SEMA3F: variants seen among roughly 807,000 people sequenced by gnomAD.
SEMA3F encodes semaphorin-3F.
In SEMA3F, 30 loss-of-function variants were observed where a neutral mutation model predicts 98.5. The observed-to-expected ratio is 0.30, with a 90% CI of 0.23 to 0.41. The LOEUF (loss-of-function observed/expected upper bound fraction) is 0.41, where lower values mean the gene tolerates loss of function less well. Among genes scored for constraint, SEMA3F ranks in the 10% least tolerant of loss-of-function variants. The pLI is 1.00. For missense variants in SEMA3F, 866 were observed against 1,119.3 expected, an observed-to-expected ratio of 0.77 and a Z score of 3.23; for synonymous variants, 380 against 444.8, an observed-to-expected ratio of 0.85 and a Z score of 1.83.
intron 2 of SEMA3F, among the ~76,000 whole-genome samples, chr3:50,164,994 C>T (rs1375735866): frequency 1.3e-5 from 2 of 152,220 alleles, no homozygotes; most frequent in East Asian, 3.9e-4. Context: ...GGGGCATGCC[C>T]CAAGGAGTCC....
At chr3:50,176,977 C>A in intron 7 of SEMA3F, 116 bp downstream of exon 7, 1 of 866,830 alleles carries the variant, frequency 1.2e-6, no homozygotes, top group Non-Finnish European at 1.9e-6. Context: ...TGTCCCTGAA[C>A]TCCCCAAAAG....
At chr3:50,169,739 T>G (rs568342293) in intron 2 of SEMA3F, among the ~76,000 whole-genome samples, 1 of 152,292 alleles carries the variant, frequency 6.6e-6, no homozygotes, top group South Asian at 2.1e-4. Flanking sequence ...GGAGCAGATG[T>G]GGGGATTGGC....
Position 50,182,979 on chromosome 3 carries a change from C to G in SEMA3F, c.979C>G (p.Pro327Ala). 6.2e-7 allele frequency: 1 copy of G among 1,613,958 alleles called. No individual in the cohort carries two copies. The highest frequency in any genetic ancestry group is 1.1e-5 in the South Asian group (1 of 91,088). ...GAAGGCGCGGCTCGTCTGCTCTGTC[C>G]CGGGCGAGGATGGCATTGAGACTCA... The part of the protein sequence containing the change: ...FLKARLVCSV[P>A]GEDGIETHFD... The change falls in exon 10 of 19, where the codon CCG (proline) becomes GCG (alanine). Residue 327 changes from proline to alanine, a missense_variant. Physicochemically the swap from Pro to Ala is conservative, Grantham distance 27 (BLOSUM62 -1). This residue lies in a region of SEMA3F where 374 missense variants were observed against 582.8 expected (regional missense o/e 0.64). Coordinates refer to ENST00000002829, the MANE Select transcript of SEMA3F (RefSeq NM_004186.5). The surrounding 1 kb of genome is among the most constrained non-coding windows in gnomAD (Gnocchi z 4.5).
Position 50,182,879 on chromosome 3 carries a change from C to T in SEMA3F, c.904-25C>T. On this transcript the variant is annotated intron_variant, in intron 9 of 18. Transcript: ENST00000002829. The surrounding 1 kb of genome is among the most constrained non-coding windows in gnomAD (Gnocchi z 4.5). The stretch of plus-strand genomic sequence containing the variant: ...GGCTTGGGGTCAAGAGCTGATCTGA[C>T]CCGGCCTCTTGCCCCACCCCCCAGA... 1 of 1,611,722 alleles carries T rather than the reference C, an allele frequency of 6.2e-7. No individual in the cohort carries two copies. The highest frequency in any genetic ancestry group is 8.5e-7 in the Non-Finnish European group (1 of 1,178,418).
intron 7 of SEMA3F, among the ~76,000 whole-genome samples, chr3:50,179,331 T>C (rs9847483): frequency 0.045 from 6,732 of 150,544 alleles, 486 homozygotes; most frequent in African/African-American, 0.15. Context: ...TTTCTTTCTT[T>C]TTTTTTTTTT....
In SEMA3F at chr3:50,175,079, G is replaced by T. The variant is rs2624833; in HGVS notation, c.457-17G>T. ...CCTGCCACCCCCAGCTCTAACCCCTGTTCCTCGTCTTCTCAGGCCACACCA... is the reference window on the plus strand; with the variant it reads ...CCTGCCACCCCCAGCTCTAACCCCTTTTCCTCGTCTTCTCAGGCCACACCA... On this transcript the variant is annotated splice_polypyrimidine_tract_variant and intron_variant, in intron 5 of 18. Transcript: ENST00000002829. 0.3 allele frequency: 480,395 copies of T among 1,584,474 alleles called. 78,310 individuals are homozygous for T. The highest frequency in any genetic ancestry group is 0.37 in the African/African-American group (27,223 of 74,318).
chr3:50,185,605 C>A, intron 14 of SEMA3F, 61 bp from the exon 15 acceptor site: 1 of 1,610,778 alleles, frequency 6.2e-7, no homozygotes, highest in African/African-American at 1.3e-5. Context: ...GACCTGAGAC[C>A]TCTAGGTCAG....
In SEMA3F at chr3:50,156,337, C is replaced by T. The variant is rs1262762668; in HGVS notation, c.-49+773C>T. Among the ~76,000 whole-genome samples, 1 of 152,230 alleles carries T rather than the reference C, an allele frequency of 6.6e-6. No individual in the cohort carries two copies. Among genetic ancestry groups the T allele is most frequent in the Non-Finnish European group, 1.5e-5 (1 of 68,034 alleles). ...AAGTTGGCCTAGGAATGAGGCAGTG[C>T]TGGCGGGAGTTGGCTGGAGCTGGGG... On this transcript the variant is annotated intron_variant, in intron 1 of 18. Coordinates refer to ENST00000002829, the MANE Select transcript of SEMA3F (RefSeq NM_004186.5). This position sits in a 1 kb window ranked among gnomAD's most constrained non-coding sequence, Gnocchi z 4.5.
At chr3:50,179,984 T>C (rs1214958237) in intron 7 of SEMA3F, among the ~76,000 whole-genome samples, 1 of 152,212 alleles carries the variant, frequency 6.6e-6, no homozygotes, top group African/African-American at 2.4e-5. Flanking sequence ...CACTTTCTTA[T>C]CATTTGTGTG....
chr3:50,160,827 C>T (rs1698178609), intron 2 of SEMA3F, among the ~76,000 whole-genome samples: 1 of 152,218 alleles, frequency 6.6e-6, no homozygotes, highest in African/African-American at 2.4e-5. Flanking sequence ...CCACCCTGCC[C>T]CTTGATGGGA....
At chr3:50,173,087 T>G (rs1698674126) in intron 2 of SEMA3F, among the ~76,000 whole-genome samples, 1 of 152,214 alleles carries the variant, frequency 6.6e-6, no homozygotes, top group South Asian at 2.1e-4. Context: ...GCGCCTTCCC[T>G]GGCCTGCCTA....
Position 50,175,132 on chromosome 3 carries a change from C to T in SEMA3F, c.493C>T (p.Arg165Cys), listed in dbSNP as rs753100848. The T allele has an allele frequency of 1.7e-5, 27 of 1,611,106 alleles. No homozygotes were observed. Among genetic ancestry groups the T allele is most frequent in the South Asian group, 3.3e-5 (3 of 90,622 alleles). Residue 165 changes from arginine to cysteine, a missense_variant, in exon 6 of 19, where the codon CGC (arginine) becomes TGC (cysteine). This residue lies in a region of SEMA3F where 247 missense variants were observed against 276.0 expected (regional missense o/e 0.89). Transcript: ENST00000002829. ...GACCCAGACTCAGGCGGTCAGAGGCCGCGGCAGCAGAGCCACGGATGGTGC... is the reference window on the plus strand; with the variant it reads ...GACCCAGACTCAGGCGGTCAGAGGCTGCGGCAGCAGAGCCACGGATGGTGC... ...PWTQTQAVRGRGSRATDGALR... is the reference protein window; with the variant it reads ...PWTQTQAVRGCGSRATDGALR...
intron 2 of SEMA3F, among the ~76,000 whole-genome samples, chr3:50,169,962 G>T (rs2109078230): frequency 6.6e-6 from 1 of 152,302 alleles, no homozygotes; most frequent in African/African-American, 2.4e-5. Flanking sequence ...GCTTGGAGGA[G>T]TGAAGGCTCC....
At chr3:50,173,700 G>A in intron 2 of SEMA3F, 93 bp from the exon 3 acceptor site, 1 of 1,082,064 alleles carries the variant, frequency 9.2e-7, no homozygotes, top group Non-Finnish European at 1.4e-6. Flanking sequence ...GTCCTGAGGG[G>A]AACCTCAGGG....
chr3:50,159,857 G>A, intron 2 of SEMA3F, 123 bp downstream of exon 2: 1 of 692,632 alleles, frequency 1.4e-6, no homozygotes, highest in South Asian at 1.7e-5. Flanking sequence ...AGCCACATAG[G>A]TTGTGGGGGA....
intron 12 of SEMA3F, among the ~76,000 whole-genome samples, chr3:50,184,024 C>T (rs1699117716): frequency 6.6e-6 from 1 of 152,090 alleles, no homozygotes; most frequent in Admixed American, 6.5e-5. Context: ...GGATCTGGTC[C>T]AATGCAGTTC....
At chr3:50,174,174 C>A (rs1313092399) in intron 4 of SEMA3F, 57 bp from the exon 5 acceptor site, 4 of 1,613,782 alleles carry the variant, frequency 2.5e-6, no homozygotes, top group Admixed American at 1.7e-5. Flanking sequence ...AGGTACTGCC[C>A]CCAGTGAGGG....
In SEMA3F at chr3:50,182,936, C is replaced by A. The variant is rs751995189; in HGVS notation, c.936C>A (p.Asn312Lys). 8 of 1,614,050 alleles carry A rather than the reference C, an allele frequency of 5.0e-6. No homozygotes were observed. The highest frequency in any genetic ancestry group is 1.1e-5 in the South Asian group (1 of 91,088). The change falls in exon 10 of 19, where the codon AAC becomes AAA. Residue 312 changes from asparagine to lysine, a missense_variant. Physicochemically the swap from Asn to Lys is moderately conservative, Grantham distance 94 (BLOSUM62 0). Transcript: ENST00000002829. This position sits in a 1 kb window ranked among gnomAD's most constrained non-coding sequence, Gnocchi z 4.5. Reference protein sequence around the residue: ...NDDGGHCCLVNKWSTFLKARL... With the variant: ...NDDGGHCCLVKKWSTFLKARL... ...ACGGTGGTCACTGTTGCCTGGTCAACAAGTGGAGCACATTCCTGAAGGCGC... is the reference window on the plus strand; with the variant it reads ...ACGGTGGTCACTGTTGCCTGGTCAAAAAGTGGAGCACATTCCTGAAGGCGC...
At chr3:50,174,534 T>A (rs1184411840) in intron 5 of SEMA3F, among the ~76,000 whole-genome samples, 184 bp downstream of exon 5, 2 of 152,250 alleles carry the variant, frequency 1.3e-5, no homozygotes, top group Admixed American at 6.5e-5. Context: ...ACCGCTGCCT[T>A]TCTCACAGGT....
Sources: allele counts gnomAD v4.1 joint callset (sites outside exome capture counted in the v4.1 genomes callset), GRCh38; gene constraint gnomAD v4.1.1; regional missense constraint gnomAD v4.1.1; non-coding constraint Gnocchi (gnomAD v3.1); transcripts MANE v1.5; gene names NCBI Gene and HGNC (gene_info 2026-07-23, HGNC 2026-07-21).